P4HA2: variants seen among roughly 807,000 people sequenced by gnomAD.
P4HA2 encodes prolyl 4-hydroxylase subunit alpha 2.
A neutral mutation model predicts 76.9 loss-of-function variants in P4HA2; 46 were observed. The ratio of observed to expected loss-of-function variants is 0.60; its 90% CI spans 0.47 to 0.76. P4HA2 has a LOEUF of 0.76. Ranked by LOEUF, P4HA2 falls within the 30% of genes least tolerant of loss-of-function variation. The pLI is 0.00. For synonymous variants in P4HA2, 243 were observed against 254.0 expected, an observed-to-expected ratio of 0.96 and a Z score of 0.41; for missense variants, 583 against 669.4, an observed-to-expected ratio of 0.87 and a Z score of 1.42.
In P4HA2 at chr5:132,195,422, C is replaced by A. The variant is rs1323635433; in HGVS notation, c.1424G>T (p.Trp475Leu). 1 of 1,612,444 alleles carries A rather than the reference C, an allele frequency of 6.2e-7. No individual in the cohort carries two copies. The highest frequency in any genetic ancestry group is 8.5e-7 in the Non-Finnish European group (1 of 1,178,464). Residue 475 changes from tryptophan (W) to leucine (L), a missense_variant, in exon 13 of 15, where the codon TGG (tryptophan) becomes TTG (leucine). By Grantham distance (61) the Trp-to-Leu change is moderately conservative. Coordinates refer to ENST00000360568, the MANE Select transcript of P4HA2 (RefSeq NM_001017974.2). Reference sequence around the variant, plus strand: ...AGAATCAGAACTTACCTTCTTAGGCCAAATTGCAGCCCCCAGATCAGGGAA... The same window carrying A: ...AGAATCAGAACTTACCTTCTTAGGCAAAATTGCAGCCCCCAGATCAGGGAA... ...TVFPDLGAAI[W>L]PKKGTAVFWY...
chr5:132,194,513 A>T (rs1219054136), intron 14 of P4HA2, among the ~76,000 whole-genome samples: 2 of 151,966 alleles, frequency 1.3e-5, no homozygotes, highest in African/African-American at 2.4e-5. Flanking sequence ...CCTTTCTTCA[A>T]GTGACAAGGG....
chr5:132,198,292 G>A, intron 12 of P4HA2, 29 bp downstream of exon 12: 2 of 1,614,214 alleles, frequency 1.2e-6, no homozygotes, highest in Non-Finnish European at 1.7e-6. Flanking sequence ...AAGTGAGAAT[G>A]AACAGGTGGG....
At chr5:132,208,373 G>C in intron 7 of P4HA2, among the ~76,000 whole-genome samples, 1 of 75,476 alleles carries the variant, frequency 1.3e-5, no homozygotes. Flanking sequence ...GAGGGGAGGA[G>C]AGAGGAGGAG....
chr5:132,211,667 C>T (rs919244709), intron 5 of P4HA2, among the ~76,000 whole-genome samples: 2 of 152,180 alleles, frequency 1.3e-5, no homozygotes, highest in African/African-American at 4.8e-5. Context: ...TCTCCTCTGG[C>T]TCTGCAGGCC....
Position 132,209,100 on chromosome 5 carries a change from C to T in P4HA2, c.903+38G>A, listed in dbSNP as rs775248290. The T allele has an allele frequency of 4.6e-6, 7 of 1,512,132 alleles. No individual in the cohort carries two copies. In the East Asian group the frequency reaches 1.4e-4, roughly 29 times the overall value. 93.7% of individuals were successfully genotyped at this position (1,512,132 alleles called of 1,614,324 possible). A position where few individuals can be genotyped will look rare whatever the true frequency, so the allele number is the denominator to read the frequency against. On this transcript the variant is annotated intron_variant, in intron 7 of 14. Coordinates refer to ENST00000360568, the MANE Select transcript of P4HA2 (RefSeq NM_001017974.2). The stretch of plus-strand genomic sequence containing the variant: ...GCCTGCCCAGAGCCAGAGTCCAGGT[C>T]CACAGCTTTGGCACCCTAGCCCCCT...
intron 8 of P4HA2, among the ~76,000 whole-genome samples, chr5:132,204,461 A>G (rs1210237461): frequency 6.6e-6 from 1 of 152,098 alleles, no homozygotes; most frequent in Non-Finnish European, 1.5e-5. Flanking sequence ...CATCTGCCTG[A>G]CTAGCCCCTT....
rs547605405 is a variant in P4HA2, at chr5:132,209,754, G to A, written c.710-423C>T. ...CGTGCCACTGCTCTCCAGGCTGGAT[G>A]AGTGAGACTCTGTCTCAAAAAAAAA... On this transcript the variant is annotated intron_variant, in intron 6 of 14. Transcript: ENST00000360568. Among the ~76,000 whole-genome samples, 355 of 134,638 alleles carry A rather than the reference G, an allele frequency of 2.6e-3. 2 individuals carry two copies. Among genetic ancestry groups the A allele is most frequent in the African/African-American group, 9.3e-3 (324 of 34,948 alleles). The allele number at this position is 134,638 out of a possible 152,430, so 88.3% of individuals were successfully genotyped here. A position where few individuals can be genotyped will look rare whatever the true frequency, so the allele number is the denominator to read the frequency against.
In P4HA2 at chr5:132,210,384, G is replaced by A. The variant is rs1294752707; in HGVS notation, c.609C>T (p.Thr203=). Residue 203 remains threonine (T), a synonymous_variant, in exon 6 of 15, where the codon ACC becomes ACT. Coordinates refer to ENST00000360568, the MANE Select transcript of P4HA2 (RefSeq NM_001017974.2). ...LKQLDAGEEA[T]TTKSQVLDYL... is the part of the protein sequence containing the mutation. ...AGTCCAGCACCTGTGACTTGGTTGT[G>A]GTGGCCTCCTCCCCGGCATCAAGCT... 4 of 1,613,994 alleles carry A rather than the reference G, an allele frequency of 2.5e-6. No individual in the cohort carries two copies. In the Admixed American group the frequency reaches 5.0e-5, roughly 20 times the overall value.
In P4HA2 at chr5:132,192,999, A is replaced by G; in HGVS notation, c.*11T>C. ...CTGAAGGACCAGGAAGGGGAAGGAC[A>G]GAAAAGGATGTCAGTCAACTTCTGT... On this transcript the variant is annotated 3_prime_UTR_variant, in exon 15 of 15. Transcript: ENST00000360568. 6.3e-7 allele frequency: 1 copy of G among 1,581,232 alleles called. No homozygotes were observed. The highest frequency in any genetic ancestry group is 8.7e-7 in the Non-Finnish European group (1 of 1,149,904).
chr5:132,218,721 G>A, intron 1 of P4HA2, 77 bp from the exon 2 acceptor site: 1 of 822,934 alleles, frequency 1.2e-6, no homozygotes, highest in East Asian at 2.6e-5. Context: ...ACATAGGCAT[G>A]TACACACATA....
Position 132,216,863 on chromosome 5 carries a change from A to G in P4HA2, c.331+334T>C, listed in dbSNP as rs553506033. Among the ~76,000 whole-genome samples, 7 of 152,378 alleles carry G rather than the reference A, an allele frequency of 4.6e-5. 1 individual carries two copies. The highest frequency in any genetic ancestry group is 1.4e-4 in the African/African-American group (6 of 41,602). On this transcript the variant is annotated intron_variant, in intron 4 of 14. Coordinates refer to ENST00000360568, the MANE Select transcript of P4HA2 (RefSeq NM_001017974.2). Reference sequence around the variant, plus strand: ...CCACTGGGCAACTGGATTAAGAATTATAATTCTCTTGTTTTTGTGTTTTCC... The same window carrying G: ...CCACTGGGCAACTGGATTAAGAATTGTAATTCTCTTGTTTTTGTGTTTTCC...
intron 5 of P4HA2, among the ~76,000 whole-genome samples, chr5:132,211,659 T>TC (rs899549467): frequency 4.6e-5 from 7 of 152,260 alleles, no homozygotes; most frequent in Non-Finnish European, 8.8e-5. Context: ...TCCACAGGTC[T>TC]CCTCTGGCTC....
At chr5:132,214,410 A>G (rs1348905912) in intron 4 of P4HA2, among the ~76,000 whole-genome samples, 2 of 152,168 alleles carry the variant, frequency 1.3e-5, no homozygotes, top group Non-Finnish European at 2.9e-5. Context: ...TGAGAAGAGC[A>G]CGGGAGAGGA....
intron 5 of P4HA2, 58 bp downstream of exon 5, chr5:132,213,858 C>G (rs565628193): frequency 1.5e-5 from 23 of 1,569,948 alleles, no homozygotes; most frequent in Non-Finnish European, 2.0e-5. Context: ...TGGCTCCAAC[C>G]TGTCCCGCCA....
At chr5:132,207,963 G>A (rs1344702978) in intron 7 of P4HA2, 79 bp from the exon 8 acceptor site, 2 of 1,139,660 alleles carry the variant, frequency 1.8e-6, no homozygotes, top group Non-Finnish European at 2.5e-6. Flanking sequence ...GCAGACACTG[G>A]ACTCACCTCA....
At chr5:132,197,527 G>A (rs914370851) in intron 12 of P4HA2, among the ~76,000 whole-genome samples, 14 of 146,282 alleles carry the variant, frequency 9.6e-5, no homozygotes, top group African/African-American at 2.8e-4. Context: ...AGAATCACTC[G>A]AACCTGGGAG....
chr5:132,194,796 A>G (rs1056854707), intron 14 of P4HA2, 130 bp downstream of exon 14: 3 of 715,536 alleles, frequency 4.2e-6, no homozygotes, highest in East Asian at 5.0e-5. Flanking sequence ...ATAACAGCAG[A>G]AAAAAACCTA....
chr5:132,225,060 A>AAC (rs1189563549), intron 1 of P4HA2, among the ~76,000 whole-genome samples: 2 of 151,740 alleles, frequency 1.3e-5, no homozygotes, highest in Non-Finnish European at 2.9e-5. Context: ...AAAAAAAAAA[A>AAC]AAAAAAAAAC....
At position 132,207,691 on chromosome 5, in the gene P4HA2, C is replaced by A; in HGVS notation, c.1080+17G>T. 1 of 1,610,760 alleles carries A rather than the reference C, an allele frequency of 6.2e-7. No homozygotes were observed. Among genetic ancestry groups the A allele is most frequent in the Non-Finnish European group, 8.5e-7 (1 of 1,177,460 alleles). On this transcript the variant is annotated intron_variant, in intron 8 of 14. Coordinates refer to ENST00000360568, the MANE Select transcript of P4HA2 (RefSeq NM_001017974.2). ...TCCCCCTTCAGTGACCCGAGAAGGA[C>A]CTACAGTGACACCTACTTTAGGTTT...
Sources: gnomAD v4.1 joint callset for allele counts (sites outside exome capture counted in the v4.1 genomes callset) on GRCh38, gnomAD v4.1.1 for gene constraint, MANE v1.5 for transcripts, NCBI Gene and HGNC (gene_info 2026-07-23, HGNC 2026-07-21) for gene names.